The following EPN1 variants were observed in gnomAD, a reference collection of about 807,000 sequenced individuals.
EPN1 encodes epsin 1.
EPN1 carries 25 observed loss-of-function variants against 56.9 expected under a neutral mutation model. That is an observed-to-expected ratio of 0.44 (90% CI 0.32 to 0.61). EPN1 has a LOEUF of 0.61. Among genes scored for constraint, EPN1 ranks in the 20% least tolerant of loss-of-function variants. The probability of loss-of-function intolerance (pLI) is 0.05; values close to 1 mark genes in which losing one functional copy is unlikely to be tolerated. For missense variants in EPN1, 785 were observed against 823.7 expected (o/e 0.95, Z 0.58); for synonymous variants, 411 against 361.8 (o/e 1.14, Z -1.54).
chr19:55,687,873 C>A (rs1428954818), intron 3 of EPN1, among the ~76,000 whole-genome samples: 1 of 152,162 alleles, frequency 6.6e-6, no homozygotes, highest in Admixed American at 6.5e-5. Flanking sequence ...CCCCTGGACC[C>A]GGTGCAGGTG....
rs1433065760 is a variant in EPN1 at position 55,695,198 on chromosome 19, C to T, written c.1573C>T (p.Pro525Ser). 3 of 1,613,564 alleles carry T rather than the reference C, an allele frequency of 1.9e-6. No homozygotes were observed. Among genetic ancestry groups the T allele is most frequent in the African/African-American group, 2.7e-5 (2 of 74,938 alleles). The change falls in exon 11 of 11, where the codon CCC becomes TCC. Residue 525 changes from proline to serine, a missense_variant. Pro to Ser is a moderately conservative substitution (Grantham distance 74). Around this residue, in one of 2 missense-constraint regions of EPN1, gnomAD observed 650 missense variants for 605.0 expected, o/e 1.07. Coordinates refer to ENST00000270460, the MANE Select transcript of EPN1 (RefSeq NM_001130072.2). This position sits in a 1 kb window ranked among gnomAD's most constrained non-coding sequence, Gnocchi z 4.4. ...CACCAACCCCTTCCAGCCCGCGCCT[C>T]CCGCGACGCTCACCCTGAACCAGCT... ...SVTNPFQPAP[P>S]ATLTLNQLRL...
chr19:55,690,387 G>A (rs1156237243), intron 6 of EPN1, among the ~76,000 whole-genome samples: 4 of 152,248 alleles, frequency 2.6e-5, no homozygotes, highest in Non-Finnish European at 4.4e-5. Context: ...GCATGGTCCC[G>A]CCCTCGCGAA....
At chr19:55,681,593 G>A (rs926196095) in intron 2 of EPN1, among the ~76,000 whole-genome samples, 1 of 152,220 alleles carries the variant, frequency 6.6e-6, no homozygotes, top group African/African-American at 2.4e-5. Flanking sequence ...GAGACAGAGA[G>A]TATATGGCCT....
chr19:55,690,073 G>A (rs1185491058), intron 6 of EPN1, 123 bp downstream of exon 6: 39 of 965,998 alleles, frequency 4.0e-5, no homozygotes, highest in Non-Finnish European at 5.8e-5. Flanking sequence ...GCTGGGCACC[G>A]GGTTTCCAGG....
At chr19:55,685,923 C>T (rs761853593) in intron 3 of EPN1, among the ~76,000 whole-genome samples, 2 of 152,240 alleles carry the variant, frequency 1.3e-5, no homozygotes. Context: ...CCCATAGGCT[C>T]AGGGCCTGAG....
At position 55,695,073 on chromosome 19, in the gene EPN1, C is replaced by T; in HGVS notation, c.1523-75C>T. On this transcript the variant is annotated intron_variant, in intron 10 of 10. Transcript: ENST00000270460. The surrounding 1 kb of genome is among the most constrained non-coding windows in gnomAD (Gnocchi z 4.4). The stretch of plus-strand genomic sequence containing the variant: ...GGGGCAGGGACACTTCGCCCTTTGC[C>T]TGCACATGCTGGATGGACACAGGTG... 2 of 1,605,578 alleles carry T rather than the reference C, an allele frequency of 1.2e-6. No homozygotes were observed. The highest frequency in any genetic ancestry group is 1.7e-6 in the Non-Finnish European group (2 of 1,175,264).
Position 55,691,730 on chromosome 19 carries a change from C to T in EPN1, c.763-24C>T, listed in dbSNP as rs1279754877. ...AGGCTTCCCACCACTTCTTCATGCTCCTTCTCTTCTCTCTCCCCCACAGTC... is the reference window on the plus strand; with the variant it reads ...AGGCTTCCCACCACTTCTTCATGCTTCTTCTCTTCTCTCTCCCCCACAGTC... On this transcript the variant is annotated intron_variant, in intron 6 of 10. Coordinates refer to ENST00000270460, the MANE Select transcript of EPN1 (RefSeq NM_001130072.2). This position sits in a 1 kb window ranked among gnomAD's most constrained non-coding sequence, Gnocchi z 5.6. 1.2e-6 allele frequency: 2 copies of T among 1,602,628 alleles called. No homozygotes were observed. The highest frequency in any genetic ancestry group is 1.1e-5 in the South Asian group (1 of 90,108).
rs933101353 is a variant in EPN1, at chr19:55,706,283, C to CTTTTT, written c.*10939_*10943dup. On this transcript the variant is annotated 3_prime_UTR_variant, in exon 11 of 11. Coordinates refer to ENST00000270460, the MANE Select transcript of EPN1 (RefSeq NM_001130072.2). ...CTTCCTTTCTTCTCTTTTTCTTCTT[C>CTTTTT]TTTTTTTTTTTTTTTTAAAAGACCG... is the stretch of plus-strand genomic sequence containing the variant. 12,126 of 117,844 alleles carry CTTTTT rather than the reference C, an allele frequency of 0.1. 668 individuals are homozygous for CTTTTT. The highest frequency in any genetic ancestry group is 0.2 in the East Asian group (875 of 4,430). The allele number at this position is 117,844 out of a possible 1,614,324, so 7.3% of individuals were successfully genotyped here. A position where few individuals can be genotyped will look rare whatever the true frequency, so the allele number is the denominator to read the frequency against.
chr19:55,702,428 C>T lies in EPN1; in HGVS notation c.*7072C>T, dbSNP rs1987186806. ...CGCGCTTCCAGCTTCCCTTAGTGTG[C>T]CTAAAGAAAGGGAAAGGAATGTGCT... On this transcript the variant is annotated 3_prime_UTR_variant, in exon 11 of 11. Coordinates refer to ENST00000270460, the MANE Select transcript of EPN1 (RefSeq NM_001130072.2). The T allele has an allele frequency of 1.3e-5, 2 of 152,224 alleles. No homozygotes were observed. The highest frequency in any genetic ancestry group is 2.9e-5 in the Non-Finnish European group (2 of 68,074). 9.4% of individuals were successfully genotyped at this position (152,224 alleles called of 1,614,324 possible). A position where few individuals can be genotyped will look rare whatever the true frequency, so the allele number is the denominator to read the frequency against.
intron 2 of EPN1, among the ~76,000 whole-genome samples, chr19:55,684,924 C>A (rs1385497572): frequency 6.6e-6 from 1 of 152,204 alleles, no homozygotes; most frequent in Non-Finnish European, 1.5e-5. Flanking sequence ...TGTGCAGCCC[C>A]CTTCATATCG....
intron 1 of EPN1, among the ~76,000 whole-genome samples, chr19:55,678,303 C>T (rs1985574373): frequency 6.6e-6 from 1 of 152,228 alleles, no homozygotes; most frequent in Admixed American, 6.5e-5. Flanking sequence ...GGTTGTGGGG[C>T]TGCGATCTGC....
Position 55,694,667 on chromosome 19 carries a change from C to G in EPN1, c.1265-59C>G. 1 of 1,507,884 alleles carries G rather than the reference C, an allele frequency of 6.6e-7. No homozygotes were observed. The allele number at this position is 1,507,884 out of a possible 1,614,324, so 93.4% of individuals were successfully genotyped here. On this transcript the variant is annotated intron_variant, in intron 9 of 10. Transcript: ENST00000270460. The surrounding 1 kb of genome is among the most constrained non-coding windows in gnomAD (Gnocchi z 4.2). ...CCCCCTATGATGGCCTATACTGCTC[C>G]CGGGTTGGAGCCTCACTGCTGTCTG...
chr19:55,687,647 C>T (rs941133392), intron 3 of EPN1, among the ~76,000 whole-genome samples: 7 of 152,082 alleles, frequency 4.6e-5, no homozygotes, highest in African/African-American at 1.2e-4. Context: ...TGTGCGCTGG[C>T]CTCACCTGTG....
At chr19:55,677,092 C>T in intron 1 of EPN1, 1 of 1,540,066 alleles carries the variant, frequency 6.5e-7, no homozygotes, top group Admixed American at 2.0e-5. Flanking sequence ...CAGCCTCTCT[C>T]CGTCATCCCT....
In EPN1 at chr19:55,701,579, A is replaced by G. The variant is rs930356467; in HGVS notation, c.*6223A>G. 1.3e-5 allele frequency: 2 copies of G among 150,682 alleles called. No homozygotes were observed. Among genetic ancestry groups the G allele is most frequent in the South Asian group, 2.1e-4 (1 of 4,778 alleles). 9.3% of individuals were successfully genotyped at this position (150,682 alleles called of 1,614,324 possible). On this transcript the variant is annotated 3_prime_UTR_variant, in exon 11 of 11. Transcript: ENST00000270460. ...GACTATTCTGACCCCAGCAGTTCTCAGAAGGAGCTGACATTAATGAGAACT... is the reference window on the plus strand; with the variant it reads ...GACTATTCTGACCCCAGCAGTTCTCGGAAGGAGCTGACATTAATGAGAACT...
chr19:55,679,736 C>T (rs1336154233), intron 2 of EPN1, among the ~76,000 whole-genome samples: 1 of 152,296 alleles, frequency 6.6e-6, no homozygotes, highest in East Asian at 1.9e-4. Context: ...CACATGGGAG[C>T]AGGGGTTGAG....
chr19:55,708,408 G>A lies in EPN1; in HGVS notation c.*13052G>A, dbSNP rs1393601594. The A allele has an allele frequency of 8.1e-6, 1 of 123,416 alleles. No individual in the cohort carries two copies. Among genetic ancestry groups the A allele is most frequent in the Non-Finnish European group, 1.7e-5 (1 of 59,936 alleles). The allele number at this position is 123,416 out of a possible 1,614,324, so 7.6% of individuals were successfully genotyped here. On this transcript the variant is annotated 3_prime_UTR_variant, in exon 11 of 11. Coordinates refer to ENST00000270460, the MANE Select transcript of EPN1 (RefSeq NM_001130072.2). ...ACTGAATTTTTAGAAAAATCTATTG[G>A]GGTGTCATATATAAAAGGATAAGTA...
chr19:55,700,130 A>C lies in EPN1; in HGVS notation c.*4774A>C, dbSNP rs1208959793. 8.0e-5 allele frequency: 12 copies of C among 150,942 alleles called. No homozygotes were observed. The highest frequency in any genetic ancestry group is 7.9e-4 in the Admixed American group (12 of 15,204). The allele number at this position is 150,942 out of a possible 1,614,324, so 9.4% of individuals were successfully genotyped here. On this transcript the variant is annotated 3_prime_UTR_variant, in exon 11 of 11. Coordinates refer to ENST00000270460, the MANE Select transcript of EPN1 (RefSeq NM_001130072.2). Reference sequence around the variant, plus strand: ...AGTAGAGACGGGGTTTCACTGTGTTAGCCAGGATGGTCACGATCTCCTGAC... The same window carrying C: ...AGTAGAGACGGGGTTTCACTGTGTTCGCCAGGATGGTCACGATCTCCTGAC...
At position 55,689,455 on chromosome 19, in the gene EPN1, C is replaced by A; in HGVS notation, c.678+84C>A. 9.4e-7 allele frequency: 1 copy of A among 1,064,122 alleles called. No homozygotes were observed. Among genetic ancestry groups the A allele is most frequent in the Non-Finnish European group, 1.4e-6 (1 of 709,870 alleles). 65.9% of individuals were successfully genotyped at this position (1,064,122 alleles called of 1,614,324 possible). A position where few individuals can be genotyped will look rare whatever the true frequency, so the allele number is the denominator to read the frequency against. On this transcript the variant is annotated intron_variant, in intron 5 of 10. Transcript: ENST00000270460. The surrounding 1 kb of genome is among the most constrained non-coding windows in gnomAD (Gnocchi z 5.7). ...CGCCCCTTCCTAAGTCACCCCCCACCATCCTGCTGGGCCCGAAGCCCACAG... is the reference window on the plus strand; with the variant it reads ...CGCCCCTTCCTAAGTCACCCCCCACAATCCTGCTGGGCCCGAAGCCCACAG...
Sources: allele counts gnomAD v4.1 joint callset (sites outside exome capture counted in the v4.1 genomes callset), GRCh38; gene constraint gnomAD v4.1.1; regional missense constraint gnomAD v4.1.1; non-coding constraint Gnocchi (gnomAD v3.1); transcripts MANE v1.5; gene names NCBI Gene and HGNC (gene_info 2026-07-23, HGNC 2026-07-21).